NCKAP5L: variants seen among roughly 807,000 people sequenced by gnomAD.
NCKAP5L encodes nck-associated protein 5-like.
NCKAP5L carries 54 observed loss-of-function variants against 103.2 expected under a neutral mutation model. That is an observed-to-expected ratio of 0.52 (90% CI 0.42 to 0.66). The LOEUF is 0.66. Ranked by LOEUF, NCKAP5L falls within the 30% of genes least tolerant of loss-of-function variation. The pLI is 0.00. For synonymous variants in NCKAP5L, 762 were observed against 748.6 expected (o/e 1.02, Z -0.29); for missense variants, 1,733 against 1,750.6 (o/e 0.99, Z 0.18).
Position 49,794,827 on chromosome 12 carries a change from C to T in NCKAP5L, c.3033G>A (p.Val1011=), listed in dbSNP as rs878891505. The T allele has an allele frequency of 1.9e-6, 3 of 1,542,784 alleles. No homozygotes were observed. Among genetic ancestry groups the T allele is most frequent in the South Asian group, 2.4e-5 (2 of 81,798 alleles). ...GGTACATGCCAGCCAGCTGGCCCTG[C>T]ACCTGCCCCAGCCCCGTGTTGGGCC... The part of the protein sequence containing the change: ...APGPNTGLGQ[V]QGQLAGMYQG... Residue 1011 remains valine (V), a synonymous_variant, in exon 8 of 13, where the codon GTG becomes GTA. Transcript: ENST00000335999.
intron 1 of NCKAP5L, among the ~76,000 whole-genome samples, chr12:49,816,846 T>G (rs1341950973): frequency 3.3e-5 from 5 of 151,734 alleles, no homozygotes; most frequent in Non-Finnish European, 7.4e-5. Context: ...GCAGTGACTC[T>G]CTCTGGCAAA....
Position 49,796,284 on chromosome 12 carries a change from A to G in NCKAP5L, c.1576T>C (p.Cys526Arg). 6.5e-7 allele frequency: 1 copy of G among 1,549,612 alleles called. No individual in the cohort carries two copies. The highest frequency in any genetic ancestry group is 8.7e-7 in the Non-Finnish European group (1 of 1,147,118). ...TGTGTGGAGTCTGGGGTTGTGTAGC[A>G]GGGTGAAGGGCTGGTGGGCAGGCCT... ...AQGLPTSPSP[C>R]YTTPDSTQLR... The change falls in exon 8 of 13, where the codon TGC (cysteine) becomes CGC (arginine). Residue 526 changes from cysteine (C) to arginine (R), a missense_variant. Physicochemically the swap from Cys to Arg is radical, Grantham distance 180 (BLOSUM62 -3). Transcript: ENST00000335999.
Position 49,794,514 on chromosome 12 carries a change from C to T in NCKAP5L, c.3095+251G>A, listed in dbSNP as rs1157477671. Among the ~76,000 whole-genome samples the T allele has an allele frequency of 2.0e-5, 3 of 152,244 alleles. No homozygotes were observed. In the East Asian group the frequency reaches 5.8e-4, roughly 29 times the overall value. ...AGGCTGCCTCATCTGGTATGGAGAC[C>T]ATCCAGGAAGATGTGGACTGTTAAC... On this transcript the variant is annotated intron_variant, in intron 8 of 12. Transcript: ENST00000335999.
At chr12:49,799,878 C>T (rs1056939230) in intron 6 of NCKAP5L, among the ~76,000 whole-genome samples, 2 of 152,190 alleles carry the variant, frequency 1.3e-5, no homozygotes, top group Non-Finnish European at 2.9e-5. Context: ...GATCCCTCTG[C>T]CCCAGTCCCC....
At chr12:49,802,098 A>G (rs1592752512) in intron 5 of NCKAP5L, 131 bp from the exon 6 acceptor site, 3 of 1,032,448 alleles carry the variant, frequency 2.9e-6, no homozygotes, top group East Asian at 5.3e-5. Flanking sequence ...TTCCGCTGCA[A>G]CCTCCTTCTA....
At position 49,791,922 on chromosome 12, in the gene NCKAP5L, C is replaced by G; in HGVS notation, c.3922G>C (p.Gly1308Arg). The G allele has an allele frequency of 6.2e-7, 1 of 1,612,272 alleles. No individual in the cohort carries two copies. Reference sequence around the variant, plus strand: ...GAGGTCTCCAGCCCTGGGGGGCCCCCGCTGGCCACTCTGCCTTCCTCGGCC... The same window carrying G: ...GAGGTCTCCAGCCCTGGGGGGCCCCGGCTGGCCACTCTGCCTTCCTCGGCC... ...DMAEEGRVASGGPPGLETSES... is the reference protein window; with the variant it reads ...DMAEEGRVASRGPPGLETSES... The change falls in exon 13 of 13, where the codon GGG (glycine) becomes CGG (arginine). Residue 1308 changes from glycine to arginine, a missense_variant. Physicochemically the swap from Gly to Arg is moderately radical, Grantham distance 125. Transcript: ENST00000335999.
Position 49,796,785 on chromosome 12 carries a change from G to A in NCKAP5L, c.1075C>T (p.Gln359Ter). The A allele has an allele frequency of 6.2e-7, 1 of 1,613,730 alleles. No homozygotes were observed. Among genetic ancestry groups the A allele is most frequent in the Non-Finnish European group, 8.5e-7 (1 of 1,179,844 alleles). Reference sequence around the variant, plus strand: ...GGCGCCTGGTCTGGGGAGGATGACTGCCCAGGACCTGGGTGGTCCCCATTG... The same window carrying A: ...GGCGCCTGGTCTGGGGAGGATGACTACCCAGGACCTGGGTGGTCCCCATTG... ...PLNGDHPGPG[Q>*]SSSPDQAPPQ... Residue 359 changes from glutamine to a stop codon, truncating the protein, a stop_gained, in exon 8 of 13, where the codon CAG (glutamine) becomes TAG (stop). Coordinates refer to ENST00000335999, the MANE Select transcript of NCKAP5L (RefSeq NM_001037806.4). LOFTEE classifies it high-confidence loss of function.
chr12:49,815,785 C>T lies in NCKAP5L; in HGVS notation c.-98-9744G>A, dbSNP rs375138462. On this transcript the variant is annotated intron_variant, in intron 1 of 12. Coordinates refer to ENST00000335999, the MANE Select transcript of NCKAP5L (RefSeq NM_001037806.4). Reference sequence around the variant, plus strand: ...GATTACAGGCTTAAGTCACCACACCCGGCCAGTGCTTCCTTTTTTTTTAAG... The same window carrying T: ...GATTACAGGCTTAAGTCACCACACCTGGCCAGTGCTTCCTTTTTTTTTAAG... 7.2e-5 allele frequency among the ~76,000 whole-genome samples: 11 copies of T among 152,132 alleles called. No homozygotes were observed. The South Asian group carries it at 2.1e-3, about 29-fold the overall frequency.
chr12:49,806,621 A>C (rs190651760), intron 1 of NCKAP5L, among the ~76,000 whole-genome samples: 1 of 152,336 alleles, frequency 6.6e-6, no homozygotes, highest in Admixed American at 6.5e-5. Context: ...GGGGCAGAGG[A>C]TATTGCCCAA....
intron 5 of NCKAP5L, chr12:49,802,414 A>C (rs1441902272): frequency 1.2e-5 from 2 of 162,012 alleles, no homozygotes; most frequent in Non-Finnish European, 1.3e-5. Context: ...ATGCCCAGCT[A>C]ATTTTTTTAT....
intron 1 of NCKAP5L, among the ~76,000 whole-genome samples, chr12:49,816,567 A>C (rs565982404): frequency 3.0e-4 from 45 of 150,074 alleles, no homozygotes; most frequent in African/African-American, 1.1e-3. Context: ...TGGGAGGCCA[A>C]GGTGGGTGGA....
intron 1 of NCKAP5L, among the ~76,000 whole-genome samples, chr12:49,827,401 T>A (rs927828721): frequency 2.0e-4 from 31 of 152,220 alleles, no homozygotes; most frequent in Non-Finnish European, 4.1e-4. Context: ...TGGACTCAGC[T>A]GATCCAGCCC....
At position 49,795,962 on chromosome 12, in the gene NCKAP5L, G is replaced by A. The variant is rs759878795; in HGVS notation, c.1898C>T (p.Pro633Leu). The A allele has an allele frequency of 6.5e-7, 1 of 1,534,790 alleles. No individual in the cohort carries two copies. The highest frequency in any genetic ancestry group is 8.7e-7 in the Non-Finnish European group (1 of 1,147,678). The change falls in exon 8 of 13, where the codon CCC becomes CTC. Residue 633 changes from proline (P) to leucine (L), a missense_variant. By Grantham distance (98) the Pro-to-Leu change is moderately conservative (BLOSUM62 -3). Transcript: ENST00000335999. ...TGAGTTGCCTGGGGTCCTGCGGCCG[G>A]GATGGGGAGACTCCGAGCCTGCCTT... ...LDKAGSESPHPGRRTPGNSSK... is the reference protein window; with the variant it reads ...LDKAGSESPHLGRRTPGNSSK...
chr12:49,792,011 C>G lies in NCKAP5L; in HGVS notation c.3833G>C (p.Arg1278Pro). Reference sequence around the variant, plus strand: ...TGGGCCCTGGGGCGTAGGGGACGGGCGGCTGGGCTCCTGGCTTCGCTTCCG... The same window carrying G: ...TGGGCCCTGGGGCGTAGGGGACGGGGGGCTGGGCTCCTGGCTTCGCTTCCG... ...VDRKRSQEPS[R>P]PSPTPQGPPF... The change falls in exon 13 of 13, where the codon CGC becomes CCC. Residue 1278 changes from arginine to proline, a missense_variant. Physicochemically the swap from Arg to Pro is moderately radical, Grantham distance 103. Coordinates refer to ENST00000335999, the MANE Select transcript of NCKAP5L (RefSeq NM_001037806.4). This position sits in a 1 kb window ranked among gnomAD's most constrained non-coding sequence, Gnocchi z 4.5. 1.9e-6 allele frequency: 3 copies of G among 1,572,880 alleles called. No homozygotes were observed. The highest frequency in any genetic ancestry group is 2.6e-6 in the Non-Finnish European group (3 of 1,160,426).
intron 1 of NCKAP5L, among the ~76,000 whole-genome samples, chr12:49,815,096 T>C (rs190282578): frequency 6.6e-6 from 1 of 152,378 alleles, no homozygotes; most frequent in East Asian, 1.9e-4. Context: ...CCTCATCACT[T>C]GGTTAGGCAG....
At chr12:49,798,302 G>C (rs1946080433) in intron 7 of NCKAP5L, 48 bp downstream of exon 7, 6 of 1,447,752 alleles carry the variant, frequency 4.1e-6, no homozygotes, top group Non-Finnish European at 5.7e-6. Context: ...CCAGATATTT[G>C]CTAGGAAACA....
Position 49,795,905 on chromosome 12 carries a change from C to T in NCKAP5L, c.1955G>A (p.Arg652Gln), listed in dbSNP as rs765671720. Residue 652 changes from arginine (R) to glutamine (Q), a missense_variant, in exon 8 of 13, where the codon CGA becomes CAA. Physicochemically the swap from Arg to Gln is conservative, Grantham distance 43. Coordinates refer to ENST00000335999, the MANE Select transcript of NCKAP5L (RefSeq NM_001037806.4). ...AGGTGTGCTGCCAGGATCCCCAGGTCGCCGTCCTGACCCCTGGCTGGGCTT... is the reference window on the plus strand; with the variant it reads ...AGGTGTGCTGCCAGGATCCCCAGGTTGCCGTCCTGACCCCTGGCTGGGCTT... ...SKKPSQGSGR[R>Q]PGDPGSTPLR... The T allele has an allele frequency of 2.1e-5, 32 of 1,533,354 alleles. No homozygotes were observed. The highest frequency in any genetic ancestry group is 9.3e-5 in the East Asian group (4 of 43,232). The allele number at this position is 1,533,354 out of a possible 1,614,324, so 95.0% of individuals were successfully genotyped here. A position where few individuals can be genotyped will look rare whatever the true frequency, so the allele number is the denominator to read the frequency against.
chr12:49,815,403 AT>A (rs1375069204), intron 1 of NCKAP5L, among the ~76,000 whole-genome samples: 1 of 152,206 alleles, frequency 6.6e-6, no homozygotes, highest in Non-Finnish European at 1.5e-5. Context: ...TGAACTGGAT[AT>A]TTATTTTAAT....
intron 1 of NCKAP5L, among the ~76,000 whole-genome samples, chr12:49,812,715 T>A (rs942626510): frequency 6.6e-6 from 1 of 152,184 alleles, no homozygotes; most frequent in Non-Finnish European, 1.5e-5. Context: ...TGCTCCACTG[T>A]ATGGGCCAGC....
Sources: gnomAD v4.1 joint callset for allele counts (sites outside exome capture counted in the v4.1 genomes callset) on GRCh38, gnomAD v4.1.1 for gene constraint, Gnocchi (gnomAD v3.1) non-coding constraint, MANE v1.5 for transcripts, NCBI Gene and HGNC (gene_info 2026-07-23, HGNC 2026-07-21) for gene names.